Variants in LAMA2 observed in about 807,000 individuals in gnomAD.
LAMA2 encodes the protein laminin subunit alpha-2.
LAMA2 carries 269 observed loss-of-function variants against 364.8 expected under a neutral mutation model. The observed-to-expected ratio is 0.74, with a 90% CI of 0.67 to 0.82. The LOEUF (loss-of-function observed/expected upper bound fraction) is 0.82, where lower values mean the gene tolerates loss of function less well. Among genes scored for constraint, LAMA2 ranks in the 40% least tolerant of loss-of-function variants. The pLI is 0.00. For synonymous variants in LAMA2, 1,379 were observed against 1,370.6 expected (o/e 1.01, Z -0.14); for missense variants, 3,807 against 3,873.2 (o/e 0.98, Z 0.45).
At chr6:129,267,349 A>G in intron 16 of LAMA2, 130 bp downstream of exon 16, 2 of 736,896 alleles carry the variant, frequency 2.7e-6, no homozygotes, top group South Asian at 1.4e-5. Flanking sequence ...AGATCTTTGT[A>G]TTGAACTGAA....
intron 1 of LAMA2, among the ~76,000 whole-genome samples, chr6:128,973,298 G>C (rs552821413): frequency 1.3e-3 from 200 of 152,190 alleles, no homozygotes; most frequent in Non-Finnish European, 2.3e-3. Context: ...CCTACCTCTG[G>C]CTTTGTCTCA....
At chr6:129,417,336 C>A (rs1454427574) in intron 40 of LAMA2, among the ~76,000 whole-genome samples, 1 of 152,126 alleles carries the variant, frequency 6.6e-6, no homozygotes, top group African/African-American at 2.4e-5. Flanking sequence ...CTGTGCAGCA[C>A]CCTCAACAGA....
chr6:129,045,257 T>C (rs910032928), intron 1 of LAMA2, among the ~76,000 whole-genome samples: 24 of 152,302 alleles, frequency 1.6e-4, no homozygotes, highest in African/African-American at 5.5e-4. Flanking sequence ...AAGAAAAGAA[T>C]TGAAAGATCC....
intron 12 of LAMA2, among the ~76,000 whole-genome samples, chr6:129,221,767 G>T (rs926107311): frequency 6.6e-6 from 1 of 151,996 alleles, no homozygotes; most frequent in Non-Finnish European, 1.5e-5. Context: ...TTACATTTGT[G>T]CACCCAGATA....
chr6:129,260,971 A>G, intron 15 of LAMA2, 149 bp downstream of exon 15: 1 of 646,242 alleles, frequency 1.5e-6, no homozygotes, highest in Non-Finnish European at 2.8e-6. Flanking sequence ...TATCTACCAA[A>G]AGCTGTGGCT....
intron 12 of LAMA2, among the ~76,000 whole-genome samples, chr6:129,238,172 CAA>C (rs202051106): frequency 1.0e-4 from 12 of 119,056 alleles, no homozygotes; most frequent in East Asian, 2.3e-4. Context: ...GACTCCATCT[CAA>C]AAAAAAAAAA....
intron 1 of LAMA2, among the ~76,000 whole-genome samples, chr6:128,939,763 A>G (rs979874314): frequency 6.6e-6 from 1 of 152,146 alleles, no homozygotes; most frequent in African/African-American, 2.4e-5. Context: ...TTATTGGCTG[A>G]TTTATACTTC....
intron 17 of LAMA2, among the ~76,000 whole-genome samples, chr6:129,276,308 T>C (rs1788325078): frequency 6.6e-6 from 1 of 152,136 alleles, no homozygotes; most frequent in African/African-American, 2.4e-5. Context: ...GAACATGCCC[T>C]GATTTTCTAA....
rs370766822 is a variant in LAMA2, at chr6:129,007,687, TC to T, written c.113-42230del. Among the ~76,000 whole-genome samples the T allele has an allele frequency of 5.7e-3, 869 of 152,296 alleles. 8 individuals are homozygous for T. The highest frequency in any genetic ancestry group is 0.02 in the African/African-American group (829 of 41,560). Reference sequence around the variant, plus strand: ...GATTTATTCTAAGGAACTTTTTTGTTCAGTATTTTCTGATGAAGGAATAGTC... The same window carrying T: ...GATTTATTCTAAGGAACTTTTTTGTTAGTATTTTCTGATGAAGGAATAGTC... On this transcript the variant is annotated intron_variant, in intron 1 of 64. Transcript: ENST00000421865.
rs189220109 is a variant in LAMA2 at position 129,261,067 on chromosome 6, C to T, written c.2208+245C>T. On this transcript the variant is annotated intron_variant, in intron 15 of 64. Coordinates refer to ENST00000421865, the MANE Select transcript of LAMA2 (RefSeq NM_000426.4). Reference sequence around the variant, plus strand: ...GCCTATAACTGAAAATCTGATGTTTCTGTCTTTGCTACATATTTGATCTAT... The same window carrying T: ...GCCTATAACTGAAAATCTGATGTTTTTGTCTTTGCTACATATTTGATCTAT... 1.2e-3 allele frequency among the ~76,000 whole-genome samples: 178 copies of T among 152,174 alleles called. 1 individual carries two copies. Among genetic ancestry groups the T allele is most frequent in the African/African-American group, 3.9e-3 (163 of 41,530 alleles).
intron 22 of LAMA2, among the ~76,000 whole-genome samples, chr6:129,309,922 C>A (rs1562443450): frequency 7.5e-6 from 1 of 132,732 alleles, no homozygotes; most frequent in Non-Finnish European, 1.5e-5. Context: ...TTTTTTGAGA[C>A]GGAGTCTCGC....
At chr6:129,399,902 A>T (rs929264939) in intron 37 of LAMA2, among the ~76,000 whole-genome samples, 4 of 152,246 alleles carry the variant, frequency 2.6e-5, no homozygotes, top group African/African-American at 9.6e-5. Flanking sequence ...AGGATCTATC[A>T]TTAAGTAGAC....
At chr6:129,224,349 C>T (rs1784088020) in intron 12 of LAMA2, among the ~76,000 whole-genome samples, 1 of 152,160 alleles carries the variant, frequency 6.6e-6, no homozygotes, top group Non-Finnish European at 1.5e-5. Context: ...CTTTCTCCTG[C>T]CTGATTGCCC....
chr6:129,466,830 T>C (rs1783568496), intron 51 of LAMA2, among the ~76,000 whole-genome samples: 2 of 151,830 alleles, frequency 1.3e-5, no homozygotes, highest in South Asian at 4.2e-4. Flanking sequence ...TAAGGGGACA[T>C]ATGAGCTAAG....
At chr6:128,977,219 C>T (rs1486088052) in intron 1 of LAMA2, among the ~76,000 whole-genome samples, 1 of 150,752 alleles carries the variant, frequency 6.6e-6, no homozygotes, top group Non-Finnish European at 1.5e-5. Flanking sequence ...TCTGTTTCTT[C>T]CTTCCTCCTT....
intron 12 of LAMA2, among the ~76,000 whole-genome samples, chr6:129,215,872 A>AG (rs1783393839): frequency 6.6e-6 from 1 of 152,186 alleles, no homozygotes; most frequent in African/African-American, 2.4e-5. Flanking sequence ...AAGATTATAT[A>AG]ACAGATCCCA....
chr6:129,474,363 A>C (rs1783963866), intron 52 of LAMA2, among the ~76,000 whole-genome samples: 1 of 152,148 alleles, frequency 6.6e-6, no homozygotes, highest in African/African-American at 2.4e-5. Context: ...CAACTGTCTA[A>C]TTATCTGATG....
At chr6:129,007,916 C>T (rs1784535251) in intron 1 of LAMA2, among the ~76,000 whole-genome samples, 1 of 152,158 alleles carries the variant, frequency 6.6e-6, no homozygotes, top group African/African-American at 2.4e-5. Context: ...TTCATGCAAC[C>T]TGCTATGGTA....
At chr6:129,177,598 C>A in intron 9 of LAMA2, 108 bp from the exon 10 acceptor site, 1 of 1,123,234 alleles carries the variant, frequency 8.9e-7, no homozygotes, top group Admixed American at 2.0e-5. Context: ...TATAAAAAAT[C>A]TATTTTTGTG....
Sources: allele counts gnomAD v4.1 joint callset (sites outside exome capture counted in the v4.1 genomes callset), GRCh38; gene constraint gnomAD v4.1.1; transcripts MANE v1.5; gene names NCBI Gene and HGNC (gene_info 2026-07-23, HGNC 2026-07-21).